Variants in SPOCK3 observed in about 807,000 individuals in gnomAD.
The protein encoded by SPOCK3 is SPARC (osteonectin), cwcv and kazal like domains proteoglycan 3.
In SPOCK3, 30 loss-of-function variants were observed where a neutral mutation model predicts 56.6. That is an observed-to-expected ratio of 0.53 (90% CI 0.40 to 0.72). SPOCK3 has a LOEUF of 0.72. Among genes scored for constraint, SPOCK3 ranks in the 30% least tolerant of loss-of-function variants. SPOCK3 has a pLI of 0.00. For synonymous variants in SPOCK3, 196 were observed against 183.3 expected (o/e 1.07, Z -0.56); for missense variants, 527 against 530.0 (o/e 0.99, Z 0.06).
intron 2 of SPOCK3, among the ~76,000 whole-genome samples, chr4:167,078,199 T>C (rs1427635): frequency 0.17 from 25,959 of 151,642 alleles, 2,707 homozygotes; most frequent in African/African-American, 0.27. Context: ...TATAAAGAAA[T>C]CTAGAAACTA....
chr4:167,000,268 A>G, intron 4 of SPOCK3, 81 bp downstream of exon 4: 2 of 620,154 alleles, frequency 3.2e-6, no homozygotes, highest in Non-Finnish European at 5.6e-6. Flanking sequence ...ATTAGCAGGC[A>G]CTGCCAAATA....
chr4:166,784,894 C>T (rs1312816201), intron 7 of SPOCK3, among the ~76,000 whole-genome samples: 1 of 152,036 alleles, frequency 6.6e-6, no homozygotes, highest in Non-Finnish European at 1.5e-5. Context: ...ATGCTAATGT[C>T]CTGATGCTCT....
intron 2 of SPOCK3, among the ~76,000 whole-genome samples, chr4:167,088,358 C>A (rs1758391377): frequency 1.3e-5 from 2 of 151,756 alleles, no homozygotes; most frequent in South Asian, 4.2e-4. Context: ...GGGTTTTAAT[C>A]TTTTCTCAGA....
At chr4:166,813,217 T>A (rs2126731981) in intron 6 of SPOCK3, among the ~76,000 whole-genome samples, 1 of 152,204 alleles carries the variant, frequency 6.6e-6, no homozygotes, top group Non-Finnish European at 1.5e-5. Context: ...ACTAATGGCC[T>A]GTAGGACAAA....
At chr4:167,185,720 T>C (rs2110798420) in intron 2 of SPOCK3, among the ~76,000 whole-genome samples, 1 of 152,256 alleles carries the variant, frequency 6.6e-6, no homozygotes, top group East Asian at 1.9e-4. Flanking sequence ...ACAAATAGTG[T>C]GGGAGGGGCA....
At chr4:166,905,629 G>A (rs1239622346) in intron 5 of SPOCK3, among the ~76,000 whole-genome samples, 1 of 151,878 alleles carries the variant, frequency 6.6e-6, no homozygotes, top group African/African-American at 2.4e-5. Flanking sequence ...GAACATTGTA[G>A]TGGAAGTCCT....
At chr4:166,807,741 T>C (rs62355255) in intron 6 of SPOCK3, among the ~76,000 whole-genome samples, 22,220 of 152,108 alleles carry the variant, frequency 0.15, 1,912 homozygotes, top group African/African-American at 0.22. Flanking sequence ...CTTCTATTTA[T>C]CAGGTAAGAA....
chr4:167,052,454 G>A (rs1754326172), intron 3 of SPOCK3, among the ~76,000 whole-genome samples: 2 of 152,100 alleles, frequency 1.3e-5, no homozygotes, highest in African/African-American at 2.4e-5. Flanking sequence ...TGTCTAAACA[G>A]GGAACTTGTC....
At chr4:167,010,437 T>A (rs1279692131) in intron 3 of SPOCK3, among the ~76,000 whole-genome samples, 1 of 150,946 alleles carries the variant, frequency 6.6e-6, no homozygotes, top group Non-Finnish European at 1.5e-5. Context: ...GGAGAATCGC[T>A]TGAGCCCAGG....
chr4:167,153,727 C>T (rs1399019486), intron 2 of SPOCK3, among the ~76,000 whole-genome samples: 1 of 152,144 alleles, frequency 6.6e-6, no homozygotes, highest in African/African-American at 2.4e-5. Context: ...GTCTATTAAA[C>T]ACAGTGAATA....
At chr4:167,066,616 G>GT (rs1300111299) in intron 2 of SPOCK3, among the ~76,000 whole-genome samples, 3 of 151,570 alleles carry the variant, frequency 2.0e-5, no homozygotes, top group Non-Finnish European at 2.9e-5. Flanking sequence ...AACTGTATGG[G>GT]TTTTTTTCTC....
chr4:167,029,023 A>T (rs1053577154), intron 3 of SPOCK3, among the ~76,000 whole-genome samples: 3 of 152,064 alleles, frequency 2.0e-5, no homozygotes, highest in African/African-American at 7.2e-5. Context: ...TGAACCCATC[A>T]CCTAGGTATT....
chr4:166,753,637 A>T (rs531458286), intron 8 of SPOCK3, among the ~76,000 whole-genome samples: 112 of 152,186 alleles, frequency 7.4e-4, no homozygotes, highest in South Asian at 2.1e-3. Flanking sequence ...ACTGGTAATC[A>T]TTGATATTGT....
At chr4:167,120,812 C>A (rs903808619) in intron 2 of SPOCK3, among the ~76,000 whole-genome samples, 2 of 151,494 alleles carry the variant, frequency 1.3e-5, no homozygotes, top group Non-Finnish European at 3.0e-5. Context: ...ATAAAAGATT[C>A]ATTTTAGAAA....
At chr4:167,210,622 A>G (rs531343314) in intron 2 of SPOCK3, among the ~76,000 whole-genome samples, 56 of 152,300 alleles carry the variant, frequency 3.7e-4, no homozygotes, top group Non-Finnish European at 7.6e-4. Flanking sequence ...AACTTTATAT[A>G]GATGAAGAAT....
At chr4:166,736,141 C>T (rs1020848048) in intron 10 of SPOCK3, among the ~76,000 whole-genome samples, 7 of 152,064 alleles carry the variant, frequency 4.6e-5, no homozygotes, top group Middle Eastern at 3.2e-3. Context: ...AGACAACACA[C>T]TAAAATTCCC....
At chr4:166,828,081 CT>C (rs1324864582) in intron 6 of SPOCK3, among the ~76,000 whole-genome samples, 2 of 152,042 alleles carry the variant, frequency 1.3e-5, no homozygotes, top group African/African-American at 4.8e-5. Context: ...CCCCTTATTT[CT>C]TTTTTTATAA....
intron 4 of SPOCK3, among the ~76,000 whole-genome samples, chr4:166,988,897 C>A (rs1412164620): frequency 1.3e-5 from 2 of 152,044 alleles, no homozygotes; most frequent in Non-Finnish European, 2.9e-5. Context: ...CAACCTAATC[C>A]TCTTCCTTAT....
intron 3 of SPOCK3, among the ~76,000 whole-genome samples, chr4:167,049,524 G>A (rs1457390257): frequency 3.3e-5 from 5 of 152,134 alleles, no homozygotes; most frequent in Non-Finnish European, 7.4e-5. Context: ...CCATGAGTCA[G>A]TTTGAGGAGC....
Sources: gnomAD v4.1 joint callset for allele counts (sites outside exome capture counted in the v4.1 genomes callset) on GRCh38, gnomAD v4.1.1 for gene constraint, MANE v1.5 for transcripts, NCBI Gene and HGNC (gene_info 2026-07-23, HGNC 2026-07-21) for gene names.